HDAC9: variants seen among roughly 807,000 people sequenced by gnomAD.
HDAC9 encodes the protein histone deacetylase 9, also known as MEF-2 interacting transcription repressor (MITR) protein.
HDAC9 carries 41 observed loss-of-function variants against 139.4 expected under a neutral mutation model. That is an observed-to-expected ratio of 0.29 (90% CI 0.23 to 0.38). The LOEUF is 0.38. Among genes scored for constraint, HDAC9 ranks in the 10% least tolerant of loss-of-function variants. HDAC9 has a pLI of 1.00. For missense variants in HDAC9, 1,147 were observed against 1,297.0 expected (o/e 0.88, Z 1.78); for synonymous variants, 517 against 476.2 (o/e 1.09, Z -1.12).
intron 1 of HDAC9, among the ~76,000 whole-genome samples, chr7:18,125,130 A>G (rs946919402): frequency 1.4e-4 from 22 of 152,124 alleles, no homozygotes; most frequent in African/African-American, 5.3e-4. Context: ...TGTTGGAGGA[A>G]GTTGACTCGT....
At chr7:18,364,137 C>T (rs1405056223) in intron 1 of HDAC9, among the ~76,000 whole-genome samples, 1 of 152,046 alleles carries the variant, frequency 6.6e-6, no homozygotes, top group South Asian at 2.1e-4. Context: ...GCAAAGTTGG[C>T]GTCACTGACT....
At chr7:18,746,676 T>G (rs1788001744) in intron 13 of HDAC9, among the ~76,000 whole-genome samples, 1 of 152,224 alleles carries the variant, frequency 6.6e-6, no homozygotes, top group Admixed American at 6.5e-5. Flanking sequence ...ATTTTTGGGA[T>G]ACATTCATTC....
intron 1 of HDAC9, among the ~76,000 whole-genome samples, chr7:18,439,563 G>T (rs534298268): frequency 6.6e-6 from 1 of 152,140 alleles, no homozygotes; most frequent in Non-Finnish European, 1.5e-5. Context: ...TTACTCGAAG[G>T]AACCCTGGGA....
Position 18,649,619 on chromosome 7 carries a change from GAAAC to G in HDAC9, c.1467+944_1467+947del, listed in dbSNP as rs556233089. On this transcript the variant is annotated intron_variant, in intron 11 of 25. Coordinates refer to ENST00000686413, the MANE Select transcript of HDAC9 (RefSeq NM_178425.4). ...ATAACTTTGTTGTACTATGATGTAA[GAAAC>G]AAACAAAACAAAACAAAATAAACTC... 2.0e-3 allele frequency among the ~76,000 whole-genome samples: 308 copies of G among 152,242 alleles called. 1 individual carries two copies. Among genetic ancestry groups the G allele is most frequent in the Non-Finnish European group, 3.5e-3 (241 of 68,022 alleles).
At chr7:18,896,491 G>A (rs1347378218) in intron 22 of HDAC9, among the ~76,000 whole-genome samples, 1 of 152,014 alleles carries the variant, frequency 6.6e-6, no homozygotes, top group African/African-American at 2.4e-5. Flanking sequence ...CAGTAGCTTA[G>A]GGTCTATGGA....
chr7:18,097,162 A>G (rs911475609), intron 1 of HDAC9, among the ~76,000 whole-genome samples: 1 of 152,154 alleles, frequency 6.6e-6, no homozygotes, highest in African/African-American at 2.4e-5. Context: ...GGCAGCACAG[A>G]CCCAAATGAT....
intron 23 of HDAC9, among the ~76,000 whole-genome samples, chr7:18,945,895 G>A (rs1430079065): frequency 6.6e-6 from 1 of 151,500 alleles, no homozygotes; most frequent in Non-Finnish European, 1.5e-5. Context: ...AAATTAGCTG[G>A]GCGTGGTGGT....
intron 1 of HDAC9, among the ~76,000 whole-genome samples, chr7:18,114,326 T>C (rs185008092): frequency 4.1e-4 from 62 of 152,326 alleles, no homozygotes; most frequent in African/African-American, 1.4e-3. Context: ...CAATAGAGTT[T>C]GGGAATGTGA....
At chr7:18,144,861 C>T (rs1004489308) in intron 1 of HDAC9, among the ~76,000 whole-genome samples, 3 of 152,144 alleles carry the variant, frequency 2.0e-5, no homozygotes, top group African/African-American at 7.2e-5. Flanking sequence ...TTCTAACCAC[C>T]TTGAAGTTTC....
chr7:18,908,798 A>G (rs922975247), intron 22 of HDAC9, among the ~76,000 whole-genome samples: 1 of 152,038 alleles, frequency 6.6e-6, no homozygotes, highest in African/African-American at 2.4e-5. Context: ...TTCTCTATCC[A>G]TTCATCCATT....
At chr7:18,099,072 T>A (rs1782688016) in intron 1 of HDAC9, among the ~76,000 whole-genome samples, 1 of 152,204 alleles carries the variant, frequency 6.6e-6, no homozygotes, top group African/African-American at 2.4e-5. Context: ...TAAAATCTCC[T>A]ATTTATCTAT....
intron 22 of HDAC9, among the ~76,000 whole-genome samples, chr7:18,931,659 C>T (rs920189653): frequency 2.6e-5 from 4 of 152,070 alleles, no homozygotes; most frequent in Non-Finnish European, 4.4e-5. Flanking sequence ...AATGCATTAC[C>T]GGGATTAATG....
rs148323247 is a variant in HDAC9, at chr7:18,531,129, C to G, written c.22+34805C>G. ...AACTCACCAATTTTTCTCTTTTCTCCCCTGCTTCAAACTATACTTACTTTA... is the reference window on the plus strand; with the variant it reads ...AACTCACCAATTTTTCTCTTTTCTCGCCTGCTTCAAACTATACTTACTTTA... On this transcript the variant is annotated intron_variant, in intron 2 of 25. Coordinates refer to ENST00000686413, the MANE Select transcript of HDAC9 (RefSeq NM_178425.4). Among the ~76,000 whole-genome samples the G allele has an allele frequency of 7.0e-3, 1,065 of 152,006 alleles. 15 individuals carry two copies. Among genetic ancestry groups the G allele is most frequent in the African/African-American group, 0.024 (1,002 of 41,486 alleles).
Position 18,771,003 on chromosome 7 carries a change from G to A in HDAC9, c.2214+3848G>A, listed in dbSNP as rs185420738. Among the ~76,000 whole-genome samples, 34 of 152,226 alleles carry A rather than the reference G, an allele frequency of 2.2e-4. No homozygotes were observed. The East Asian group carries it at 4.5e-3, about 20-fold the overall frequency. ...TATCCTACAGCAGACAAGCTCCCAG[G>A]GCCAAAAGGCAGAAAAATAAACGTG... On this transcript the variant is annotated intron_variant, in intron 16 of 25. Coordinates refer to ENST00000686413, the MANE Select transcript of HDAC9 (RefSeq NM_178425.4).
intron 2 of HDAC9, among the ~76,000 whole-genome samples, chr7:18,185,651 T>A (rs1789850671): frequency 6.6e-6 from 1 of 152,330 alleles, no homozygotes; most frequent in East Asian, 1.9e-4. Context: ...TTAAACTCAC[T>A]TATCTTCTTA....
rs57608252 is a variant in HDAC9, at chr7:18,823,976, A to AAAG, written c.2323-5166_2323-5164dup. ...CTGGGTGACAGGGCAAGACCCTGTG[A>AAAG]AAGAAGAAGAAGAAGAAGAAGGAGA... On this transcript the variant is annotated intron_variant, in intron 17 of 25. Transcript: ENST00000686413. Among the ~76,000 whole-genome samples, 184 of 148,682 alleles carry AAAG rather than the reference A, an allele frequency of 1.2e-3. 1 individual carries two copies. The highest frequency in any genetic ancestry group is 1.9e-3 in the Non-Finnish European group (126 of 67,092).
At chr7:18,243,413 G>T (rs1405259954) in intron 2 of HDAC9, among the ~76,000 whole-genome samples, 1 of 152,190 alleles carries the variant, frequency 6.6e-6, no homozygotes, top group East Asian at 1.9e-4. Flanking sequence ...TCAAGAAAGG[G>T]CCCCATGTTG....
rs540835715 is a variant in HDAC9, at chr7:18,626,265, G to T, written c.665-3085G>T. ...GCCATGGCCAGTTATGCAGCACTGT[G>T]ACAGGGAGAGTGTAGGACAGCCTGG... On this transcript the variant is annotated intron_variant, in intron 6 of 25. Coordinates refer to ENST00000686413, the MANE Select transcript of HDAC9 (RefSeq NM_178425.4). Among the ~76,000 whole-genome samples the T allele has an allele frequency of 3.3e-5, 5 of 152,288 alleles. No homozygotes were observed. The South Asian group carries it at 1.0e-3, about 32-fold the overall frequency.
chr7:18,828,361 C>T (rs138599116), intron 17 of HDAC9, among the ~76,000 whole-genome samples: 1 of 152,336 alleles, frequency 6.6e-6, no homozygotes, highest in East Asian at 1.9e-4. Context: ...CCCAACTTTT[C>T]TGAGCATGCT....
Sources: gnomAD v4.1 joint callset for allele counts (sites outside exome capture counted in the v4.1 genomes callset) on GRCh38, gnomAD v4.1.1 for gene constraint, MANE v1.5 for transcripts, NCBI Gene and HGNC (gene_info 2026-07-23, HGNC 2026-07-21) for gene names.